The following ANAPC1 variants were observed in gnomAD, a reference collection of about 807,000 sequenced individuals.
ANAPC1 encodes anaphase promoting complex subunit 1, also known as anaphase-promoting complex subunit 1.
A neutral mutation model predicts 208.0 loss-of-function variants in ANAPC1; 36 were observed. The observed-to-expected ratio is 0.17, with a 90% CI of 0.13 to 0.23. The LOEUF (loss-of-function observed/expected upper bound fraction) is 0.23, where lower values mean the gene tolerates loss of function less well. ANAPC1 is among the 10% of genes least tolerant of loss of function. The probability of loss-of-function intolerance (pLI) is 1.00; values close to 1 mark genes in which losing one functional copy is unlikely to be tolerated. For missense variants in ANAPC1, 942 were observed against 2,011.6 expected (o/e 0.47, Z 10.17); for synonymous variants, 378 against 695.2 (o/e 0.54, Z 7.18).
chr2:111,769,679 CTTTTTTTTTTT>C (rs767767639), intron 47 of ANAPC1, among the ~76,000 whole-genome samples: 2 of 83,260 alleles, frequency 2.4e-5, no homozygotes, highest in African/African-American at 4.7e-5. Context: ...TACTGGCTTT[CTTTTTTTTTTT>C]TTTTTTTTGG....
chr2:111,824,712 CCACAGCCT>C (rs1220411280), intron 24 of ANAPC1, among the ~76,000 whole-genome samples: 1 of 152,158 alleles, frequency 6.6e-6, no homozygotes. Flanking sequence ...GCTTACATAG[CCACAGCCT>C]CAAATGTTCC....
intron 45 of ANAPC1, among the ~76,000 whole-genome samples, chr2:111,778,429 CA>C (rs1215853730): frequency 6.8e-6 from 1 of 147,124 alleles, no homozygotes; most frequent in Non-Finnish European, 1.5e-5. Flanking sequence ...TCAGGGGAGA[CA>C]AAAGGGAGGA....
In ANAPC1 at chr2:111,843,614, G is replaced by A; in HGVS notation, c.1853-15C>T. 4.4e-6 allele frequency: 7 copies of A among 1,593,638 alleles called. No individual in the cohort carries two copies. Among genetic ancestry groups the A allele is most frequent in the Non-Finnish European group, 6.0e-6 (7 of 1,169,008 alleles). On this transcript the variant is annotated splice_polypyrimidine_tract_variant and intron_variant, in intron 16 of 47. Coordinates refer to ENST00000341068, the MANE Select transcript of ANAPC1 (RefSeq NM_022662.4). ...ACACGTTTGTACTATTAAAAGCAAA[G>A]ATTAATTTTAGTATTCTTACTCTGC...
intron 29 of ANAPC1, among the ~76,000 whole-genome samples, chr2:111,807,585 G>C (rs1427949924): frequency 2.0e-5 from 3 of 151,590 alleles, no homozygotes; most frequent in East Asian, 3.9e-4. Context: ...CCAGCTACTC[G>C]GGAGGCTGAG....
At chr2:111,861,446 T>C (rs1004216510) in intron 10 of ANAPC1, among the ~76,000 whole-genome samples, 2 of 152,070 alleles carry the variant, frequency 1.3e-5, no homozygotes, top group Non-Finnish European at 2.9e-5. Flanking sequence ...ATTCCCTAAA[T>C]ACACCACGCA....
chr2:111,841,908 G>T (rs563191302), intron 17 of ANAPC1, among the ~76,000 whole-genome samples: 2 of 152,080 alleles, frequency 1.3e-5, no homozygotes, highest in Non-Finnish European at 2.9e-5. Context: ...GCTGGCAAAG[G>T]TTCACCACAC....
intron 27 of ANAPC1, among the ~76,000 whole-genome samples, chr2:111,817,563 T>C (rs1342010561): frequency 6.6e-6 from 1 of 152,080 alleles, no homozygotes; most frequent in African/African-American, 2.4e-5. Flanking sequence ...GGGCTCAGAA[T>C]AAGCATGATA....
At chr2:111,863,972 T>C in intron 8 of ANAPC1, 77 bp from the exon 9 acceptor site, 1 of 1,467,966 alleles carries the variant, frequency 6.8e-7, no homozygotes, top group Non-Finnish European at 9.0e-7. Flanking sequence ...CTTGTAAGAA[T>C]GCAAGTTGAA....
Position 111,806,982 on chromosome 2 carries a change from G to C in ANAPC1, c.3833-1089C>G, listed in dbSNP as rs868504906. On this transcript the variant is annotated intron_variant, in intron 29 of 47. Transcript: ENST00000341068. ...AGGCCAAGGCAGGAGGATCACTTGAGGTCAACGAGTTCGAGACCAGCCTGT... is the reference window on the plus strand; with the variant it reads ...AGGCCAAGGCAGGAGGATCACTTGACGTCAACGAGTTCGAGACCAGCCTGT... 4.4e-3 allele frequency among the ~76,000 whole-genome samples: 277 copies of C among 63,612 alleles called. 3 individuals carry two copies. The highest frequency in any genetic ancestry group is 0.016 in the African/African-American group (244 of 14,806). 41.7% of individuals were successfully genotyped at this position (63,612 alleles called of 152,430 possible). A position where few individuals can be genotyped will look rare whatever the true frequency, so the allele number is the denominator to read the frequency against.
At chr2:111,872,252 T>A (rs1286616796) in intron 6 of ANAPC1, among the ~76,000 whole-genome samples, 1 of 152,204 alleles carries the variant, frequency 6.6e-6, no homozygotes, top group Non-Finnish European at 1.5e-5. Flanking sequence ...ATCATATGGT[T>A]TTTAATTGTT....
At position 111,876,070 on chromosome 2, in the gene ANAPC1, T is replaced by A. The variant is rs188037406; in HGVS notation, c.376-2406A>T. Among the ~76,000 whole-genome samples, 12 of 151,990 alleles carry A rather than the reference T, an allele frequency of 7.9e-5. No homozygotes were observed. The South Asian group carries it at 2.3e-3, about 29-fold the overall frequency. Reference sequence around the variant, plus strand: ...TACATTCACCTTTGTAGCCCCAGCATAATGGCTGAAACAGAGTGAGACTAA... The same window carrying A: ...TACATTCACCTTTGTAGCCCCAGCAAAATGGCTGAAACAGAGTGAGACTAA... On this transcript the variant is annotated intron_variant, in intron 3 of 47. Coordinates refer to ENST00000341068, the MANE Select transcript of ANAPC1 (RefSeq NM_022662.4).
At chr2:111,833,809 T>C (rs148586632) in intron 19 of ANAPC1, among the ~76,000 whole-genome samples, 3,292 of 152,050 alleles carry the variant, frequency 0.022, 111 homozygotes, top group African/African-American at 0.074. Flanking sequence ...TCCTAAGAGA[T>C]ATTTACCATT....
At chr2:111,873,882 T>G (rs1483956188) in intron 3 of ANAPC1, among the ~76,000 whole-genome samples, 4 of 151,942 alleles carry the variant, frequency 2.6e-5, no homozygotes, top group Admixed American at 2.6e-4. Flanking sequence ...CAATTAAATT[T>G]TATGAAAAGA....
chr2:111,823,852 A>C (rs1679679710), intron 24 of ANAPC1, among the ~76,000 whole-genome samples: 1 of 150,934 alleles, frequency 6.6e-6, no homozygotes, highest in Non-Finnish European at 1.5e-5. Context: ...AAGAACAGAT[A>C]TGTAAGGGCC....
intron 39 of ANAPC1, among the ~76,000 whole-genome samples, chr2:111,787,664 G>T (rs908239034): frequency 1.3e-5 from 2 of 151,898 alleles, no homozygotes; most frequent in Non-Finnish European, 2.9e-5. Context: ...AAGTGTTGGT[G>T]GTTCCTCGTA....
chr2:111,824,946 G>C lies in ANAPC1; in HGVS notation c.2812+20C>G. ...TGGAGGAAGCACGGCCTAGTTAGGA[G>C]GTAACAAAGAAGCTCTCACCTACAT... is the stretch of plus-strand genomic sequence containing the variant. On this transcript the variant is annotated intron_variant, in intron 24 of 47. Transcript: ENST00000341068. The C allele has an allele frequency of 6.2e-7, 1 of 1,613,402 alleles. No homozygotes were observed. The highest frequency in any genetic ancestry group is 8.5e-7 in the Non-Finnish European group (1 of 1,179,574).
At chr2:111,883,559 T>G (rs1041959087) in intron 1 of ANAPC1, among the ~76,000 whole-genome samples, 47 of 147,296 alleles carry the variant, frequency 3.2e-4, no homozygotes, top group African/African-American at 1.1e-3. Context: ...GAGACCCAAA[T>G]GCACACTAAC....
chr2:111,851,973 G>A (rs1237271469), intron 13 of ANAPC1, among the ~76,000 whole-genome samples: 2 of 152,064 alleles, frequency 1.3e-5, no homozygotes, highest in East Asian at 1.9e-4. Context: ...AACAACGTAC[G>A]TATTCATGTT....
In ANAPC1 at chr2:111,788,255, G is replaced by A. The variant is rs1558665611; in HGVS notation, c.4778C>T (p.Pro1593Leu). 1 of 1,613,484 alleles carries A rather than the reference G, an allele frequency of 6.2e-7. No individual in the cohort carries two copies. The highest frequency in any genetic ancestry group is 1.3e-5 in the African/African-American group (1 of 75,026). ...TCACCGGTTGTCAGTGCTGTGAGCT[G>A]GGAAGTGCGGATAAAGGGCACAGAG... ...ALLCALYPHF[P>L]AHSTDNRYHL... Residue 1593 changes from proline (P) to leucine (L), a missense_variant, in exon 39 of 48, where the codon CCA (proline) becomes CTA (leucine). Transcript: ENST00000341068.
Sources: gnomAD v4.1 joint callset for allele counts (sites outside exome capture counted in the v4.1 genomes callset) on GRCh38, gnomAD v4.1.1 for gene constraint, MANE v1.5 for transcripts, NCBI Gene and HGNC (gene_info 2026-07-23, HGNC 2026-07-21) for gene names.